Variants in SRSF4 observed in about 807,000 individuals in gnomAD.
SRSF4 encodes serine/arginine-rich splicing factor 4.
Under a neutral mutation model 48.8 loss-of-function variants are expected in SRSF4, and 12 were observed. The ratio of observed to expected loss-of-function variants is 0.25; its 90% CI spans 0.16 to 0.40. The LOEUF (loss-of-function observed/expected upper bound fraction) is 0.40, where lower values mean the gene tolerates loss of function less well. Ranked by LOEUF, SRSF4 falls within the 10% of genes least tolerant of loss-of-function variation. The pLI, the probability that SRSF4 is intolerant of heterozygous loss-of-function variation, is 1.00. For synonymous variants in SRSF4, 248 were observed against 232.5 expected, an observed-to-expected ratio of 1.07 and a Z score of -0.61; for missense variants, 466 against 667.1, an observed-to-expected ratio of 0.70 and a Z score of 3.32.
intron 1 of SRSF4, chr1:29,170,197 A>G (rs2151821212): frequency 6.6e-6 from 1 of 152,316 alleles, no homozygotes; most frequent in African/African-American, 2.4e-5. Flanking sequence ...GGAATCAACT[A>G]TTGCCTGATG....
At chr1:29,170,474 A>G (rs1322398288) in intron 1 of SRSF4, 1 of 152,188 alleles carries the variant, frequency 6.6e-6, no homozygotes, top group East Asian at 1.9e-4. Context: ...TTCATTAAAG[A>G]TGATGCCTCT....
At chr1:29,181,554 G>A (rs1013983113) in intron 1 of SRSF4, 92 bp downstream of exon 1, 2 of 1,143,090 alleles carry the variant, frequency 1.7e-6, no homozygotes, top group South Asian at 1.6e-5. Flanking sequence ...GCCGCTCCGC[G>A]CGGACCAGGC....
intron 1 of SRSF4, among the ~76,000 whole-genome samples, chr1:29,174,398 G>C (rs536920926): frequency 2.0e-5 from 3 of 152,262 alleles, no homozygotes; most frequent in Middle Eastern, 3.4e-3. Context: ...ATATTCAACA[G>C]TATTATACAT....
chr1:29,155,703 G>A (rs547898520), intron 3 of SRSF4, among the ~76,000 whole-genome samples: 1 of 152,134 alleles, frequency 6.6e-6, no homozygotes, highest in African/African-American at 2.4e-5. Context: ...ATATTGCCTA[G>A]GCTGGTCTCA....
intron 1 of SRSF4, among the ~76,000 whole-genome samples, chr1:29,180,905 C>G (rs764195652): frequency 1.3e-5 from 2 of 152,194 alleles, no homozygotes; most frequent in Non-Finnish European, 2.9e-5. Flanking sequence ...CAGATACTAG[C>G]CAGGGTGGCC....
At position 29,148,794 on chromosome 1, in the gene SRSF4, G is replaced by A; in HGVS notation, c.1101C>T (p.Arg367=). 1 of 1,610,138 alleles carries A rather than the reference G, an allele frequency of 6.2e-7. No homozygotes were observed. The highest frequency in any genetic ancestry group is 8.5e-7 in the Non-Finnish European group (1 of 1,177,684). Residue 367 remains arginine (R), a synonymous_variant, in exon 6 of 6, where the codon CGC becomes CGT. Transcript: ENST00000373795. ...RKRSREESRS[R]SRSRSKSERS... ...TCTCACTCTTGCTGCGGCTGCGACT[G>A]CGACTGCGGCTCTCCTCTCTGCTTC...
chr1:29,164,857 C>T (rs1421354761), intron 1 of SRSF4, among the ~76,000 whole-genome samples: 2 of 152,186 alleles, frequency 1.3e-5, no homozygotes, highest in Admixed American at 6.5e-5. Context: ...GAAGAAACTC[C>T]TTTCTTTAAT....
chr1:29,148,097 C>A lies in SRSF4; in HGVS notation c.*313G>T, dbSNP rs1168277023. 1.9e-6 allele frequency: 1 copy of A among 535,750 alleles called. No homozygotes were observed. The highest frequency in any genetic ancestry group is 4.8e-5 in the East Asian group (1 of 20,992). 33.2% of individuals were successfully genotyped at this position (535,750 alleles called of 1,614,324 possible). A position where few individuals can be genotyped will look rare whatever the true frequency, so the allele number is the denominator to read the frequency against. On this transcript the variant is annotated 3_prime_UTR_variant, in exon 6 of 6. Coordinates refer to ENST00000373795, the MANE Select transcript of SRSF4 (RefSeq NM_005626.5). Reference sequence around the variant, plus strand: ...ATACCTACCTATGTGGTCATTCCAGCCTTAGAGCCGTCCAGGTTACTGAGC... The same window carrying A: ...ATACCTACCTATGTGGTCATTCCAGACTTAGAGCCGTCCAGGTTACTGAGC...
chr1:29,168,582 G>A (rs1268954871), intron 1 of SRSF4: 1 of 152,190 alleles, frequency 6.6e-6, no homozygotes, highest in Non-Finnish European at 1.5e-5. Flanking sequence ...GTTCCCATTA[G>A]CCAGTGTCAG....
At chr1:29,179,649 A>G (rs1179814853) in intron 1 of SRSF4, among the ~76,000 whole-genome samples, 1 of 152,180 alleles carries the variant, frequency 6.6e-6, no homozygotes, top group African/African-American at 2.4e-5. Context: ...CAACTACGAC[A>G]TATACTATTC....
At chr1:29,161,037 G>GA (rs1335997888) in intron 1 of SRSF4, among the ~76,000 whole-genome samples, 1 of 152,014 alleles carries the variant, frequency 6.6e-6, no homozygotes, top group Non-Finnish European at 1.5e-5. Flanking sequence ...GATTATCAGT[G>GA]AAAAAAAGAC....
intron 1 of SRSF4, chr1:29,169,253 T>C (rs1019104544): frequency 2.6e-5 from 4 of 152,180 alleles, no homozygotes; most frequent in African/African-American, 9.7e-5. Context: ...GACCTGGGAT[T>C]CTTCACACCC....
At chr1:29,149,734 T>C (rs1672376914) in intron 5 of SRSF4, among the ~76,000 whole-genome samples, 1 of 148,690 alleles carries the variant, frequency 6.7e-6, no homozygotes, top group African/African-American at 2.5e-5. Flanking sequence ...GCAGGAAGAC[T>C]GGTCACATGA....
chr1:29,176,317 G>A (rs764643361), intron 1 of SRSF4, among the ~76,000 whole-genome samples: 1 of 151,998 alleles, frequency 6.6e-6, no homozygotes, highest in Non-Finnish European at 1.5e-5. Flanking sequence ...AAGGCAAAGT[G>A]TTTGCTTTTT....
intron 3 of SRSF4, among the ~76,000 whole-genome samples, chr1:29,158,312 G>A (rs1438690496): frequency 4.6e-5 from 7 of 152,156 alleles, no homozygotes. Flanking sequence ...AATTTCACCA[G>A]TAAGGATACA....
Position 29,160,536 on chromosome 1 carries a change from A to C in SRSF4, c.108-19T>G, listed in dbSNP as rs990210827. The C allele has an allele frequency of 6.3e-6, 10 of 1,589,034 alleles. No homozygotes were observed. The African/African-American group carries it at 1.1e-4, about 17-fold the overall frequency. Reference sequence around the variant, plus strand: ...ACCATATCTAGAAGAGAGCAAAGAAAATACTGGTTGGTACCATTTTGACAT... The same window carrying C: ...ACCATATCTAGAAGAGAGCAAAGAACATACTGGTTGGTACCATTTTGACAT... On this transcript the variant is annotated intron_variant, in intron 1 of 5. Transcript: ENST00000373795.
Position 29,148,608 on chromosome 1 carries a change from T to C in SRSF4, c.1287A>G (p.Gly429=), listed in dbSNP as rs775664528. The part of the protein sequence containing the change: ...KSESSQREGR[G]ESENAGTNQE... ...GATTGGTGCCAGCATTCTCACTCTCTCCTCGACCTTCCCTCTGGCTGGATT... is the reference window on the plus strand; with the variant it reads ...GATTGGTGCCAGCATTCTCACTCTCCCCTCGACCTTCCCTCTGGCTGGATT... Residue 429 remains glycine (G), a synonymous_variant, in exon 6 of 6, where the codon GGA becomes GGG. Transcript: ENST00000373795. 4.3e-6 allele frequency: 7 copies of C among 1,613,952 alleles called. No individual in the cohort carries two copies. In the African/African-American group the frequency reaches 5.3e-5, roughly 12 times the overall value.
rs1169476018 is a variant in SRSF4 at position 29,149,052 on chromosome 1, G to A, written c.843C>T (p.Asp281=). ...DQAEEKIQNN[D]NVGKPKSRSP... The stretch of plus-strand genomic sequence containing the variant: ...TCCGGCTCTTGGGTTTCCCGACATT[G>A]TCATTGTTTTGGATCTTCTCTTCAG... The change falls in exon 6 of 6, where the codon GAC becomes GAT. Residue 281 remains aspartate, a synonymous_variant. Transcript: ENST00000373795. 1.9e-6 allele frequency: 3 copies of A among 1,613,068 alleles called. No individual in the cohort carries two copies. Among genetic ancestry groups the A allele is most frequent in the Admixed American group, 3.3e-5 (2 of 59,890 alleles).
chr1:29,180,753 G>A (rs1218732160), intron 1 of SRSF4, among the ~76,000 whole-genome samples: 2 of 152,156 alleles, frequency 1.3e-5, no homozygotes, highest in African/African-American at 2.4e-5. Context: ...CTCCAGGCCT[G>A]ATTCCTCAAC....
Sources: allele counts gnomAD v4.1 joint callset (sites outside exome capture counted in the v4.1 genomes callset), GRCh38; gene constraint gnomAD v4.1.1; transcripts MANE v1.5; gene names NCBI Gene and HGNC (gene_info 2026-07-23, HGNC 2026-07-21).